The following ARCN1 variants were observed in gnomAD, a reference collection of about 807,000 sequenced individuals.
ARCN1 encodes coatomer subunit delta.
In ARCN1, 5 loss-of-function variants were observed where a neutral mutation model predicts 60.4. That is an observed-to-expected ratio of 0.08 (90% CI 0.04 to 0.17). The LOEUF is 0.17. ARCN1 is among the 10% of genes least tolerant of loss of function. The pLI, the probability that ARCN1 is intolerant of heterozygous loss-of-function variation, is 1.00. For missense variants in ARCN1, 464 were observed against 626.5 expected (o/e 0.74, Z 2.77); for synonymous variants, 224 against 220.0 (o/e 1.02, Z -0.16).
intron 6 of ARCN1, 26 bp downstream of exon 6, chr11:118,590,532 T>C: frequency 3.1e-6 from 5 of 1,609,684 alleles, no homozygotes; most frequent in Non-Finnish European, 3.4e-6. Flanking sequence ...TGATAGGGAG[T>C]ATTAACACTT....
intron 6 of ARCN1, 96 bp from the exon 7 acceptor site, chr11:118,592,613 A>C (rs1938937459): frequency 1.1e-6 from 1 of 900,220 alleles, no homozygotes; most frequent in African/African-American, 1.7e-5. Flanking sequence ...TAGGTACTCT[A>C]TTTTGGATGT....
intron 3 of ARCN1, 105 bp downstream of exon 3, chr11:118,583,463 CTA>C: frequency 7.5e-7 from 1 of 1,325,390 alleles, no homozygotes; most frequent in South Asian, 1.6e-5. Context: ...GTATTCAAAA[CTA>C]TGTCCAGGCT....
At chr11:118,590,714 T>C (rs533761236) in intron 6 of ARCN1, among the ~76,000 whole-genome samples, 9 of 152,362 alleles carry the variant, frequency 5.9e-5, no homozygotes, top group Non-Finnish European at 1.0e-4. Flanking sequence ...CTTTTAAATA[T>C]TGGAATTGAA....
chr11:118,582,174 G>T (rs1248675668), intron 2 of ARCN1, among the ~76,000 whole-genome samples: 1 of 152,002 alleles, frequency 6.6e-6, no homozygotes, highest in Non-Finnish European at 1.5e-5. Context: ...TCTCGCTCTT[G>T]CCCTGGCTGG....
At position 118,587,839 on chromosome 11, in the gene ARCN1, C is replaced by G. The variant is rs1034457509; in HGVS notation, c.819-2502C>G. Among the ~76,000 whole-genome samples, 4 of 152,220 alleles carry G rather than the reference C, an allele frequency of 2.6e-5. No individual in the cohort carries two copies. In the East Asian group the frequency reaches 7.7e-4, roughly 29 times the overall value. On this transcript the variant is annotated intron_variant, in intron 5 of 9. Coordinates refer to ENST00000264028, the MANE Select transcript of ARCN1 (RefSeq NM_001655.5). ...CCTCAAGTTTGGCCTCCCACGACCC[C>G]CTCTGGGGTGTTCAATTAATCTGCT...
chr11:118,602,730 G>T lies in ARCN1; in HGVS notation c.*2016G>T, dbSNP rs1480126293. On this transcript the variant is annotated 3_prime_UTR_variant, in exon 10 of 10. Transcript: ENST00000264028. ...CAAGAAATCCTACTAATCCAGTTTT[G>T]TTTGAAAGTTGTTTGTCCGTATGAT... 1 of 153,660 alleles carries T rather than the reference G, an allele frequency of 6.5e-6. No homozygotes were observed. The highest frequency in any genetic ancestry group is 1.5e-5 in the Non-Finnish European group (1 of 68,020). 9.5% of individuals were successfully genotyped at this position (153,660 alleles called of 1,614,324 possible).
rs782527886 is a variant in ARCN1, at chr11:118,583,839, C to T, written c.478C>T (p.Arg160Cys). The change falls in exon 4 of 10, where the codon CGT (arginine) becomes TGT (cysteine). Residue 160 changes from arginine to cysteine, a missense_variant. By Grantham distance (180) the Arg-to-Cys change is radical. Around this residue, in one of 2 missense-constraint regions of ARCN1, gnomAD observed 359 missense variants for 440.2 expected, o/e 0.82. Transcript: ENST00000264028. The stretch of plus-strand genomic sequence containing the variant: ...AGAACGTGAAGCTAAGGCTGAGATG[C>T]GTCGTAAAGCAAAGGAATTACAACA... The part of the protein sequence containing the change: ...TQEREAKAEM[R>C]RKAKELQQAR... 25 of 1,613,922 alleles carry T rather than the reference C, an allele frequency of 1.5e-5. No homozygotes were observed. Among genetic ancestry groups the T allele is most frequent in the African/African-American group, 2.7e-5 (2 of 74,892 alleles).
At chr11:118,591,341 A>G (rs1361664356) in intron 6 of ARCN1, among the ~76,000 whole-genome samples, 1 of 152,094 alleles carries the variant, frequency 6.6e-6, no homozygotes, top group Non-Finnish European at 1.5e-5. Flanking sequence ...ATTATTTGAC[A>G]TTTTTGCTGG....
chr11:118,582,191 G>C (rs1938671523), intron 2 of ARCN1, among the ~76,000 whole-genome samples: 1 of 152,094 alleles, frequency 6.6e-6, no homozygotes, highest in South Asian at 2.1e-4. Context: ...CTGGAGTGCA[G>C]TGGTGCAATG....
intron 1 of ARCN1, among the ~76,000 whole-genome samples, chr11:118,575,555 T>G (rs1253900174): frequency 2.6e-5 from 4 of 152,172 alleles, no homozygotes; most frequent in Admixed American, 2.0e-4. Context: ...TATTGTAATC[T>G]TCTCTCTGAT....
intron 6 of ARCN1, 146 bp downstream of exon 6, chr11:118,590,652 T>C: frequency 1.2e-6 from 1 of 806,638 alleles, no homozygotes; most frequent in Non-Finnish European, 1.9e-6. Context: ...GAAGTTAATA[T>C]ATTGCATACA....
At chr11:118,587,236 G>T (rs1938799424) in intron 5 of ARCN1, among the ~76,000 whole-genome samples, 1 of 152,162 alleles carries the variant, frequency 6.6e-6, no homozygotes, top group South Asian at 2.1e-4. Context: ...TTCAAAAGTT[G>T]TTAACAGTCA....
intron 1 of ARCN1, among the ~76,000 whole-genome samples, chr11:118,577,693 T>C (rs868993188): frequency 6.6e-6 from 1 of 152,222 alleles, no homozygotes. Flanking sequence ...TTGTGTCTTA[T>C]CCCTATTAAG....
chr11:118,576,426 TA>T (rs10671866), intron 1 of ARCN1, among the ~76,000 whole-genome samples: 56 of 108,772 alleles, frequency 5.1e-4, no homozygotes, highest in Admixed American at 2.0e-3. Flanking sequence ...CCAAAAATGT[TA>T]AAAAAAAAAA....
chr11:118,583,430 A>G lies in ARCN1; in HGVS notation c.447+72A>G, dbSNP rs114802679. 1.5e-3 allele frequency: 2,188 copies of G among 1,456,462 alleles called. 22 individuals carry two copies. In the African/African-American group the frequency reaches 0.024, roughly 16 times the overall value. The allele number at this position is 1,456,462 out of a possible 1,614,324, so 90.2% of individuals were successfully genotyped here. ...TAGGCTTCACTAATCTCATTTTCCTATTTTTACTTACTAATGTAGACTGTA... is the reference window on the plus strand; with the variant it reads ...TAGGCTTCACTAATCTCATTTTCCTGTTTTTACTTACTAATGTAGACTGTA... On this transcript the variant is annotated intron_variant, in intron 3 of 9. Coordinates refer to ENST00000264028, the MANE Select transcript of ARCN1 (RefSeq NM_001655.5).
chr11:118,581,317 C>T lies in ARCN1; in HGVS notation c.75C>T (p.Thr25=), dbSNP rs146475733. Residue 25 remains threonine, a synonymous_variant, in exon 2 of 10, where the codon ACC becomes ACT. Coordinates refer to ENST00000264028, the MANE Select transcript of ARCN1 (RefSeq NM_001655.5). ...AIVSRQFVEM[T]RTRIEGLLAA... is the part of the protein sequence containing the mutation. Reference sequence around the variant, plus strand: ...TTTCTCGACAGTTTGTGGAAATGACCCGAACTCGGATTGAGGGCTTATTAG... The same window carrying T: ...TTTCTCGACAGTTTGTGGAAATGACTCGAACTCGGATTGAGGGCTTATTAG... The T allele has an allele frequency of 1.9e-6, 3 of 1,614,032 alleles. No individual in the cohort carries two copies. The African/African-American group carries it at 4.0e-5, about 22-fold the overall frequency.
intron 8 of ARCN1, among the ~76,000 whole-genome samples, chr11:118,594,423 G>A (rs111249999): frequency 0.013 from 1,941 of 151,988 alleles, 60 homozygotes; most frequent in African/African-American, 0.044. Flanking sequence ...TGACTTGATT[G>A]TGGTGGTGCT....
Position 118,583,343 on chromosome 11 carries a change from C to G in ARCN1, c.432C>G (p.Phe144Leu), listed in dbSNP as rs782689458. The G allele has an allele frequency of 6.2e-7, 1 of 1,611,156 alleles. No individual in the cohort carries two copies. Among genetic ancestry groups the G allele is most frequent in the African/African-American group, 1.3e-5 (1 of 74,790 alleles). ...TEMDSHEEKV[F>L]RAVRETQERE... ...TGGATTCTCATGAGGAGAAGGTGTT[C>G]AGAGCCGTCAGAGAGGTAAATAGGA... The change falls in exon 3 of 10, where the codon TTC (phenylalanine) becomes TTG (leucine). Residue 144 changes from phenylalanine to leucine, a missense_variant. Phe to Leu is a conservative substitution (Grantham distance 22). Around this residue, in one of 2 missense-constraint regions of ARCN1, gnomAD observed 105 missense variants for 186.3 expected, o/e 0.56. Coordinates refer to ENST00000264028, the MANE Select transcript of ARCN1 (RefSeq NM_001655.5).
In ARCN1 at chr11:118,572,494, AC is replaced by A. The variant is rs1355040778; in HGVS notation, c.-50del. On this transcript the variant is annotated 5_prime_UTR_variant, in exon 1 of 10. Coordinates refer to ENST00000264028, the MANE Select transcript of ARCN1 (RefSeq NM_001655.5). ...CTGGTGCTCCCGTTCCCCAGACCCT[AC>A]CCCTATCCCCAGTGGAGCCGGAGTG... The A allele has an allele frequency of 5.6e-6, 9 of 1,604,856 alleles. No homozygotes were observed. The highest frequency in any genetic ancestry group is 7.7e-6 in the Non-Finnish European group (9 of 1,175,170).
Sources: gnomAD v4.1 joint callset for allele counts (sites outside exome capture counted in the v4.1 genomes callset) on GRCh38, gnomAD v4.1.1 for gene constraint, gnomAD v4.1.1 regional missense constraint, MANE v1.5 for transcripts, NCBI Gene and HGNC (gene_info 2026-07-23, HGNC 2026-07-21) for gene names.